The following PARVB variants were observed in gnomAD, a reference collection of about 807,000 sequenced individuals.
PARVB encodes beta-parvin.
PARVB carries 46 observed loss-of-function variants against 47.0 expected under a neutral mutation model. That is an observed-to-expected ratio of 0.98 (90% CI 0.77 to 1.25). PARVB has a LOEUF of 1.25. Ranked by LOEUF, PARVB falls within the 50% of genes most tolerant of loss-of-function variation. PARVB has a pLI of 0.00. For synonymous variants in PARVB, 196 were observed against 196.3 expected (o/e 1.00, Z 0.01); for missense variants, 473 against 471.6 (o/e 1.00, Z -0.03).
At chr22:44,075,710 A>G (rs1457487207) in intron 1 of PARVB, among the ~76,000 whole-genome samples, 1 of 152,146 alleles carries the variant, frequency 6.6e-6, no homozygotes, top group Non-Finnish European at 1.5e-5. Context: ...GCCTTTTCAG[A>G]CTGGTTTTTC....
At chr22:44,074,908 T>A (rs1181844799) in intron 1 of PARVB, among the ~76,000 whole-genome samples, 1 of 152,102 alleles carries the variant, frequency 6.6e-6, no homozygotes, top group Admixed American at 6.5e-5. Flanking sequence ...AGGAGCCCAG[T>A]GGGCTCTGGG....
chr22:44,092,695 G>A (rs5764514), intron 1 of PARVB, among the ~76,000 whole-genome samples: 73,946 of 151,992 alleles, frequency 0.49, 18,664 homozygotes, highest in East Asian at 0.86. Flanking sequence ...TTTTTACAGT[G>A]TTACCTATAA....
intron 3 of PARVB, among the ~76,000 whole-genome samples, chr22:44,101,868 G>T (rs2052455722): frequency 6.6e-6 from 1 of 151,748 alleles, no homozygotes; most frequent in African/African-American, 2.4e-5. Flanking sequence ...TACCCACTTT[G>T]TTATTTCAAA....
intron 3 of PARVB, among the ~76,000 whole-genome samples, chr22:44,101,265 C>T (rs1426878258): frequency 2.0e-4 from 31 of 151,860 alleles, no homozygotes; most frequent in Admixed American, 1.5e-3. Flanking sequence ...AAAAATTAGC[C>T]GGGCGAGGTG....
At chr22:44,002,244 T>G (rs1347717364) in intron 2 of PARVB, among the ~76,000 whole-genome samples, 1 of 152,258 alleles carries the variant, frequency 6.6e-6, no homozygotes, top group African/African-American at 2.4e-5. Context: ...TGGACCACGC[T>G]TCGGGAACCA....
intron 1 of PARVB, among the ~76,000 whole-genome samples, chr22:44,059,678 G>A (rs1241004054): frequency 6.6e-6 from 1 of 152,202 alleles, no homozygotes; most frequent in African/African-American, 2.4e-5. Flanking sequence ...AATGTTGGGT[G>A]TACATTCAGG....
chr22:44,104,005 A>G (rs1441794581), intron 3 of PARVB: 1 of 152,178 alleles, frequency 6.6e-6, no homozygotes, highest in East Asian at 1.9e-4. Context: ...GTTTGTGTTA[A>G]TTTGTTACAG....
chr22:44,008,403 C>T (rs746912646), intron 2 of PARVB, among the ~76,000 whole-genome samples: 9 of 152,084 alleles, frequency 5.9e-5, no homozygotes, highest in Admixed American at 1.3e-4. Context: ...AGCCACCACG[C>T]GCGGTCTAGA....
chr22:44,158,082 A>G lies in PARVB; in HGVS notation c.944A>G (p.Lys315Arg). The change falls in exon 11 of 13, where the codon AAG (lysine) becomes AGG (arginine). Residue 315 changes from lysine (K) to arginine (R), a missense_variant and splice_region_variant. By Grantham distance (26) the Lys-to-Arg change is conservative. Transcript: ENST00000338758. ...CTGACTCCGGAAAGCTTCGATCAGA[A>G]GGTATGTGCATGGTCTCCATCCTTG... The part of the protein sequence containing the change: ...FYLTPESFDQ[K>R]VHNVSFAFEL... 2 of 1,602,704 alleles carry G rather than the reference A, an allele frequency of 1.2e-6. No individual in the cohort carries two copies. Among genetic ancestry groups the G allele is most frequent in the Non-Finnish European group, 1.7e-6 (2 of 1,169,610 alleles).
Position 44,058,751 on chromosome 22 carries a change from C to T in PARVB, c.112+34300C>T, listed in dbSNP as rs1255260327. 2.6e-5 allele frequency among the ~76,000 whole-genome samples: 4 copies of T among 151,948 alleles called. No homozygotes were observed. The East Asian group carries it at 7.8e-4, about 29-fold the overall frequency. ...TGTATTTTTAGTAAAAATGGGGTTT[C>T]ACTCTGTTGCGCAGGGTGGTCTTGA... On this transcript the variant is annotated intron_variant, in intron 1 of 12. Transcript: ENST00000338758.
At chr22:44,119,462 G>A (rs1259496992) in intron 4 of PARVB, among the ~76,000 whole-genome samples, 1 of 152,186 alleles carries the variant, frequency 6.6e-6, no homozygotes, top group Admixed American at 6.5e-5. Context: ...AACTCCTTCG[G>A]TTCAGGATGG....
At chr22:44,153,375 C>T (rs567416503) in intron 10 of PARVB, 50 of 152,260 alleles carry the variant, frequency 3.3e-4, no homozygotes, top group African/African-American at 1.2e-3. Context: ...GTCCCCCAGG[C>T]TGGAGTGCAG....
chr22:44,156,690 T>C (rs2053942539), intron 10 of PARVB, among the ~76,000 whole-genome samples: 1 of 152,258 alleles, frequency 6.6e-6, no homozygotes, highest in Non-Finnish European at 1.5e-5. Context: ...GTAGTTAAGA[T>C]GGTAAATGTT....
chr22:44,036,459 C>T (rs181836909), intron 1 of PARVB, among the ~76,000 whole-genome samples: 4 of 151,926 alleles, frequency 2.6e-5, no homozygotes, highest in East Asian at 1.9e-4. Flanking sequence ...ATGCATTTGT[C>T]GCATATCTAA....
chr22:44,026,271 C>A (rs915405281), intron 1 of PARVB: 7 of 975,222 alleles, frequency 7.2e-6, no homozygotes, highest in Non-Finnish European at 8.5e-6. Flanking sequence ...AATTCAAATG[C>A]ACCAAGAATT....
At chr22:44,054,436 G>A (rs1434600989) in intron 1 of PARVB, among the ~76,000 whole-genome samples, 4 of 151,986 alleles carry the variant, frequency 2.6e-5, no homozygotes, top group African/African-American at 2.4e-5. Context: ...GGCTGGTCTC[G>A]AACTCCTGGG....
intron 8 of PARVB, chr22:44,140,771 T>A (rs1216487009): frequency 3.0e-6 from 1 of 335,390 alleles, no homozygotes; most frequent in Non-Finnish European, 6.0e-6. Flanking sequence ...CAGCCCTCTA[T>A]GTGGGCTGGT....
chr22:44,111,432 C>CTTTTTTTTT (rs10527330), intron 3 of PARVB: 5 of 59,284 alleles, frequency 8.4e-5, no homozygotes, highest in African/African-American at 3.6e-4. Context: ...CCTGCAAAAC[C>CTTTTTTTTT]TTTTTTTTTT....
At chr22:44,165,576 T>A (rs2054149852) in intron 12 of PARVB, among the ~76,000 whole-genome samples, 1 of 152,202 alleles carries the variant, frequency 6.6e-6, no homozygotes, top group South Asian at 2.1e-4. Flanking sequence ...CAGCTGTGCA[T>A]CCTTGAACAG....
Sources: gnomAD v4.1 joint callset for allele counts (sites outside exome capture counted in the v4.1 genomes callset) on GRCh38, gnomAD v4.1.1 for gene constraint, MANE v1.5 for transcripts, NCBI Gene and HGNC (gene_info 2026-07-23, HGNC 2026-07-21) for gene names.